FAM83B: variants seen among roughly 807,000 people sequenced by gnomAD.
The protein encoded by FAM83B is scaffolding CK1 anchoring protein B.
In FAM83B, 26 loss-of-function variants were observed where a neutral mutation model predicts 38.8. The ratio of observed to expected loss-of-function variants is 0.67; its 90% CI spans 0.49 to 0.93. The LOEUF is 0.93. Ranked by LOEUF, FAM83B falls within the 40% of genes least tolerant of loss-of-function variation. The probability of loss-of-function intolerance (pLI) is 0.00; values close to 1 mark genes in which losing one functional copy is unlikely to be tolerated. For synonymous variants in FAM83B, 419 were observed against 423.1 expected (o/e 0.99, Z 0.12); for missense variants, 1,237 against 1,197.3 (o/e 1.03, Z -0.49).
chr6:54,876,083 C>A (rs897253398), intron 2 of FAM83B, among the ~76,000 whole-genome samples: 1 of 151,782 alleles, frequency 6.6e-6, no homozygotes, highest in African/African-American at 2.4e-5. Context: ...GTCTAAGGAT[C>A]CTCAGTGACT....
At chr6:54,905,402 G>C (rs1435288256) in intron 2 of FAM83B, among the ~76,000 whole-genome samples, 1 of 152,114 alleles carries the variant, frequency 6.6e-6, no homozygotes, top group Non-Finnish European at 1.5e-5. Context: ...ATGTTTATCA[G>C]GTACAATGTG....
intron 2 of FAM83B, among the ~76,000 whole-genome samples, chr6:54,886,074 T>C (rs1772268233): frequency 6.6e-6 from 1 of 152,148 alleles, no homozygotes; most frequent in African/African-American, 2.4e-5. Flanking sequence ...ATTCTGGTAA[T>C]ATCTTAAGCT....
intron 2 of FAM83B, among the ~76,000 whole-genome samples, chr6:54,920,487 AAGG>A (rs1773144095): frequency 6.6e-6 from 1 of 151,924 alleles, no homozygotes; most frequent in Non-Finnish European, 1.5e-5. Flanking sequence ...ACATTAACCC[AAGG>A]TACACCTATA....
upstream of FAM83B, chr6:54,846,690 C>A (rs1416632858): frequency 6.6e-6 from 1 of 152,252 alleles, no homozygotes; most frequent in African/African-American, 2.4e-5. Context: ...GAATCAGCCT[C>A]CCTCCGCGGA....
chr6:54,932,948 T>A (rs1480414439), intron 4 of FAM83B, among the ~76,000 whole-genome samples: 1 of 152,162 alleles, frequency 6.6e-6, no homozygotes, highest in Non-Finnish European at 1.5e-5. Context: ...TCTTTTTGGA[T>A]TTATCCCAGT....
At chr6:54,850,022 C>T (rs891756594) in intron 1 of FAM83B, among the ~76,000 whole-genome samples, 1 of 152,144 alleles carries the variant, frequency 6.6e-6, no homozygotes. Context: ...CCATTATCTG[C>T]CAAGCAATAT....
intron 2 of FAM83B, among the ~76,000 whole-genome samples, chr6:54,896,608 G>A (rs1208302977): frequency 1.3e-5 from 2 of 152,138 alleles, no homozygotes; most frequent in Admixed American, 6.5e-5. Context: ...GCGTACAAAA[G>A]AATACCATAA....
chr6:54,932,934 T>G (rs2127590034), intron 4 of FAM83B, among the ~76,000 whole-genome samples: 1 of 152,312 alleles, frequency 6.6e-6, no homozygotes, highest in South Asian at 2.1e-4. Flanking sequence ...TGTCTTGGTG[T>G]AATTCTTTTT....
chr6:54,882,301 A>G (rs1248729261), intron 2 of FAM83B, among the ~76,000 whole-genome samples: 1 of 152,206 alleles, frequency 6.6e-6, no homozygotes, highest in Non-Finnish European at 1.5e-5. Context: ...GTAACAGCTA[A>G]TGTTTAATGC....
chr6:54,913,819 T>G (rs183396327), intron 2 of FAM83B, among the ~76,000 whole-genome samples: 1 of 152,196 alleles, frequency 6.6e-6, no homozygotes. Context: ...CTCCCACTCT[T>G]GCTGAATTAC....
At chr6:54,849,935 T>C (rs1771233060) in intron 1 of FAM83B, among the ~76,000 whole-genome samples, 1 of 152,056 alleles carries the variant, frequency 6.6e-6, no homozygotes, top group East Asian at 1.9e-4. Context: ...AGAGAAGTTA[T>C]GCAGTGATGA....
intron 2 of FAM83B, among the ~76,000 whole-genome samples, chr6:54,921,407 A>G (rs750987179): frequency 6.6e-6 from 1 of 151,856 alleles, no homozygotes; most frequent in African/African-American, 2.4e-5. Context: ...TGTAAGAAAG[A>G]TAAGTGAAGA....
intron 4 of FAM83B, among the ~76,000 whole-genome samples, chr6:54,937,917 G>C (rs1247951709): frequency 6.6e-6 from 1 of 151,824 alleles, no homozygotes; most frequent in Non-Finnish European, 1.5e-5. Flanking sequence ...GGGAACAGTT[G>C]GTTTTTGGTT....
At chr6:54,851,650 T>G (rs1460523086) in intron 1 of FAM83B, among the ~76,000 whole-genome samples, 1 of 141,692 alleles carries the variant, frequency 7.1e-6, no homozygotes, top group Non-Finnish European at 1.5e-5. Flanking sequence ...TTTTTGTGTT[T>G]TTTTTTTTTT....
chr6:54,875,547 A>T (rs757852623), intron 2 of FAM83B, among the ~76,000 whole-genome samples: 40 of 152,166 alleles, frequency 2.6e-4, no homozygotes, highest in Non-Finnish European at 4.9e-4. Flanking sequence ...ATTAAGTTGA[A>T]CATTTCTTCT....
chr6:54,890,962 A>T (rs1264723808), intron 2 of FAM83B, among the ~76,000 whole-genome samples: 1 of 152,010 alleles, frequency 6.6e-6, no homozygotes, highest in Non-Finnish European at 1.5e-5. Flanking sequence ...GAGAAAAAAA[A>T]AAATAAAGTT....
At chr6:54,884,814 C>G (rs1772230219) in intron 2 of FAM83B, among the ~76,000 whole-genome samples, 1 of 151,588 alleles carries the variant, frequency 6.6e-6, no homozygotes. Context: ...GCTCTGTCGC[C>G]CATGCTGGAG....
At position 54,870,598 on chromosome 6, in the gene FAM83B, G is replaced by A. The variant is rs779324231; in HGVS notation, c.352G>A (p.Gly118Ser). The A allele has an allele frequency of 6.2e-7, 1 of 1,613,728 alleles. No homozygotes were observed. The highest frequency in any genetic ancestry group is 2.2e-5 in the East Asian group (1 of 44,862). Residue 118 changes from glycine to serine, a missense_variant, in exon 2 of 5, where the codon GGC becomes AGC. Transcript: ENST00000306858. ...WPYVMPGLLG[G>S]THIDLLFHPP... The stretch of plus-strand genomic sequence containing the variant: ...ATATGTGATGCCCGGACTCTTAGGG[G>A]GCACCCATATAGATCTCCTTTTTCA...
chr6:54,848,893 C>G (rs1458841877), intron 1 of FAM83B, among the ~76,000 whole-genome samples: 1 of 152,030 alleles, frequency 6.6e-6, no homozygotes, highest in African/African-American at 2.4e-5. Context: ...TTCAAGTTGT[C>G]CTTGTTTATC....
Sources: gnomAD v4.1 joint callset for allele counts (sites outside exome capture counted in the v4.1 genomes callset) on GRCh38, gnomAD v4.1.1 for gene constraint, MANE v1.5 for transcripts, NCBI Gene and HGNC (gene_info 2026-07-23, HGNC 2026-07-21) for gene names.